ETS1: variants seen among roughly 807,000 people sequenced by gnomAD.
ETS1 encodes ETS proto-oncogene 1, transcription factor.
A neutral mutation model predicts 58.6 loss-of-function variants in ETS1; 15 were observed. That is an observed-to-expected ratio of 0.26 (90% CI 0.17 to 0.39). The LOEUF (loss-of-function observed/expected upper bound fraction) is 0.39, where lower values mean the gene tolerates loss of function less well. Among genes scored for constraint, ETS1 ranks in the 10% least tolerant of loss-of-function variants. The pLI is 1.00. For missense variants in ETS1, 417 were observed against 610.5 expected (o/e 0.68, Z 3.34); for synonymous variants, 214 against 218.2 (o/e 0.98, Z 0.17).
In ETS1 at chr11:128,585,090, GGAA is replaced by G. The variant is rs1565421465; in HGVS notation, c.-15+2395_-15+2397del. Among the ~76,000 whole-genome samples the G allele has an allele frequency of 3.7e-4, 8 of 21,386 alleles. 1 individual carries two copies. The highest frequency in any genetic ancestry group is 3.2e-3 in the African/African-American group (8 of 2,476). The allele number at this position is 21,386 out of a possible 152,430, so 14.0% of individuals were successfully genotyped here. A position where few individuals can be genotyped will look rare whatever the true frequency, so the allele number is the denominator to read the frequency against. ...AAAGAAAGAAAGAGAAAGAAAGAAA[GGAA>G]AGAAAGAAAGGAAGGAAGGAAGGAA... On this transcript the variant is annotated intron_variant, in intron 1 of 9. Coordinates refer to ENST00000392668, the MANE Select transcript of ETS1 (RefSeq NM_001143820.2).
intron 3 of ETS1, among the ~76,000 whole-genome samples, chr11:128,522,870 T>C (rs1025367683): frequency 1.3e-5 from 2 of 152,168 alleles, no homozygotes; most frequent in African/African-American, 4.8e-5. Flanking sequence ...TTTAGGAGTA[T>C]TGGACTCCAG....
chr11:128,563,682 T>C (rs1864442432), intron 2 of ETS1, among the ~76,000 whole-genome samples: 1 of 152,156 alleles, frequency 6.6e-6, no homozygotes, highest in African/African-American at 2.4e-5. Context: ...ATAATGTGGG[T>C]CTGTGACATA....
chr11:128,480,882 G>A (rs1862468163), intron 7 of ETS1, among the ~76,000 whole-genome samples: 1 of 152,110 alleles, frequency 6.6e-6, no homozygotes, highest in Admixed American at 6.5e-5. Flanking sequence ...CCCCACTCCA[G>A]CTCAAGCCAA....
At chr11:128,489,239 C>G (rs1291018172) in intron 5 of ETS1, 51 bp downstream of exon 5, 1 of 1,550,744 alleles carries the variant, frequency 6.4e-7, no homozygotes, top group African/African-American at 1.4e-5. Context: ...CCTACCTACT[C>G]TCACAGCAAC....
intron 9 of ETS1, 33 bp from the exon 10 acceptor site, chr11:128,462,609 A>G: frequency 6.3e-7 from 1 of 1,584,430 alleles, no homozygotes; most frequent in Non-Finnish European, 8.7e-7. Context: ...AAGGAGGAGT[A>G]GGCAAAAATC....
chr11:128,495,350 T>A (rs1445323314), intron 3 of ETS1, among the ~76,000 whole-genome samples: 2 of 152,190 alleles, frequency 1.3e-5, no homozygotes, highest in African/African-American at 4.8e-5. Context: ...TTTTGAAAGA[T>A]TTTAGGAGTG....
rs1330757544 is a variant in ETS1 at position 128,571,475 on chromosome 11, G to C, written c.69+1587C>G. 3.0e-5 allele frequency among the ~76,000 whole-genome samples: 3 copies of C among 99,486 alleles called. No individual in the cohort carries two copies. The East Asian group carries it at 1.1e-3, about 37-fold the overall frequency. 65.3% of individuals were successfully genotyped at this position (99,486 alleles called of 152,430 possible). A position where few individuals can be genotyped will look rare whatever the true frequency, so the allele number is the denominator to read the frequency against. ...GGGCGACAGAGCGAGACTCCGTCCA[G>C]CCTGGGCGACAGAGCAAGACTCCGT... On this transcript the variant is annotated intron_variant, in intron 2 of 9. Transcript: ENST00000392668.
At chr11:128,485,112 G>A in intron 6 of ETS1, 41 bp from the exon 7 acceptor site, 1 of 1,581,726 alleles carries the variant, frequency 6.3e-7, no homozygotes, top group Non-Finnish European at 8.6e-7. Flanking sequence ...GGAGAGATTT[G>A]TACCTAAAAT....
intron 3 of ETS1, among the ~76,000 whole-genome samples, chr11:128,540,288 C>G (rs1183784321): frequency 6.9e-6 from 1 of 145,630 alleles, no homozygotes; most frequent in African/African-American, 2.6e-5. Context: ...TTGTACTACT[C>G]CAGCCTGGGC....
intron 1 of ETS1, 102 bp downstream of exon 1, chr11:128,587,386 C>G (rs1341707799): frequency 6.6e-6 from 1 of 152,272 alleles, no homozygotes; most frequent in Non-Finnish European, 1.5e-5. Context: ...TCACTTGTAT[C>G]CTGAATCTCC....
intron 3 of ETS1, among the ~76,000 whole-genome samples, chr11:128,518,839 G>A (rs1038339897): frequency 6.6e-6 from 1 of 152,222 alleles, no homozygotes; most frequent in Admixed American, 6.5e-5. Flanking sequence ...CCTCTGCTGA[G>A]GGCGGGTGGG....
Position 128,574,212 on chromosome 11 carries a change from CT to C in ETS1, c.-14-1069del, listed in dbSNP as rs547879881. ...CTGCCTAAGGGCTACAACAACAAAGCTACTAATATCATATGGTTAAGGGATG... is the reference window on the plus strand; with the variant it reads ...CTGCCTAAGGGCTACAACAACAAAGCACTAATATCATATGGTTAAGGGATG... On this transcript the variant is annotated intron_variant, in intron 1 of 9. Coordinates refer to ENST00000392668, the MANE Select transcript of ETS1 (RefSeq NM_001143820.2). Among the ~76,000 whole-genome samples, 267 of 152,276 alleles carry C rather than the reference CT, an allele frequency of 1.8e-3. 1 individual carries two copies. The highest frequency in any genetic ancestry group is 3.4e-3 in the Middle Eastern group (1 of 294).
At chr11:128,504,927 G>T (rs1473160327) in intron 3 of ETS1, 1 of 152,176 alleles carries the variant, frequency 6.6e-6, no homozygotes, top group African/African-American at 2.4e-5. Flanking sequence ...TATAAGTCTG[G>T]AATACCAATG....
rs531067379 is a variant in ETS1 at position 128,524,365 on chromosome 11, G to T, written c.214+31926C>A. ...AATGTCCAAATCAAGGAATAGGGTT[G>T]CGTAAAGCAGCAGTTTGGAGAGATA... On this transcript the variant is annotated intron_variant, in intron 3 of 9. Transcript: ENST00000392668. Among the ~76,000 whole-genome samples the T allele has an allele frequency of 2.0e-5, 3 of 152,338 alleles. No individual in the cohort carries two copies. In the South Asian group the frequency reaches 6.2e-4, roughly 32 times the overall value.
intron 5 of ETS1, among the ~76,000 whole-genome samples, chr11:128,487,484 T>C (rs1862665991): frequency 6.6e-6 from 1 of 152,142 alleles, no homozygotes; most frequent in African/African-American, 2.4e-5. Context: ...CTCACGCCTG[T>C]AATCCCAGTG....
intron 1 of ETS1, among the ~76,000 whole-genome samples, chr11:128,584,717 T>A (rs562144278): frequency 6.6e-6 from 1 of 152,088 alleles, no homozygotes; most frequent in Non-Finnish European, 1.5e-5. Flanking sequence ...GTAAGTTATG[T>A]CTTCACATCT....
chr11:128,556,896 C>T (rs1864321660), intron 2 of ETS1, among the ~76,000 whole-genome samples: 1 of 152,118 alleles, frequency 6.6e-6, no homozygotes, highest in Non-Finnish European at 1.5e-5. Flanking sequence ...ATAAAATTCA[C>T]CTCATTTTTT....
At chr11:128,513,496 A>G (rs994536906) in intron 3 of ETS1, among the ~76,000 whole-genome samples, 6 of 152,212 alleles carry the variant, frequency 3.9e-5, no homozygotes, top group Non-Finnish European at 5.9e-5. Context: ...TGTTTATTTC[A>G]TACACAATAT....
chr11:128,552,796 CT>C (rs374411871), intron 3 of ETS1, among the ~76,000 whole-genome samples: 47 of 152,312 alleles, frequency 3.1e-4, no homozygotes, highest in African/African-American at 9.9e-4. Context: ...CTGACTTCAG[CT>C]AGGTCTAGGC....
Sources: allele counts gnomAD v4.1 joint callset (sites outside exome capture counted in the v4.1 genomes callset), GRCh38; gene constraint gnomAD v4.1.1; transcripts MANE v1.5; gene names NCBI Gene and HGNC (gene_info 2026-07-23, HGNC 2026-07-21).